Variants in NELL2 observed in about 807,000 individuals in gnomAD.
NELL2 encodes neural EGFL like 2.
NELL2 carries 41 observed loss-of-function variants against 109.6 expected under a neutral mutation model. The observed-to-expected ratio is 0.37, with a 90% CI of 0.29 to 0.49. NELL2 has a LOEUF of 0.49. Among genes scored for constraint, NELL2 ranks in the 20% least tolerant of loss-of-function variants. NELL2 has a pLI of 0.98. For synonymous variants in NELL2, 355 were observed against 344.7 expected (o/e 1.03, Z -0.33); for missense variants, 900 against 1,008.3 (o/e 0.89, Z 1.45).
At chr12:44,599,974 T>A (rs556870830) in intron 15 of NELL2, among the ~76,000 whole-genome samples, 1,642 of 147,118 alleles carry the variant, frequency 0.011, 16 homozygotes, top group Non-Finnish European at 0.019. Flanking sequence ...TTTTTTTTTT[T>A]TTTTTGAGAT....
chr12:44,566,160 A>G (rs1238239669), intron 15 of NELL2, among the ~76,000 whole-genome samples: 1 of 152,182 alleles, frequency 6.6e-6, no homozygotes, highest in Non-Finnish European at 1.5e-5. Context: ...ATTACAAAGT[A>G]ATTCAAAATT....
intron 9 of NELL2, among the ~76,000 whole-genome samples, chr12:44,750,182 CA>C (rs1239249374): frequency 6.6e-6 from 1 of 151,926 alleles, no homozygotes; most frequent in Non-Finnish European, 1.5e-5. Context: ...TTACATTCTT[CA>C]AAAATAAAGT....
At chr12:44,791,126 TATATATATAC>T (rs1942398781) in intron 3 of NELL2, among the ~76,000 whole-genome samples, 1 of 67,868 alleles carries the variant, frequency 1.5e-5, no homozygotes, top group East Asian at 3.8e-4. Context: ...TATATGTATA[TATATATATAC>T]ACACGCACAC....
intron 9 of NELL2, among the ~76,000 whole-genome samples, chr12:44,721,566 A>G (rs1938772913): frequency 6.6e-6 from 1 of 152,184 alleles, no homozygotes; most frequent in African/African-American, 2.4e-5. Context: ...CCACCAACCC[A>G]GTGAATTTGG....
intron 2 of NELL2, among the ~76,000 whole-genome samples, chr12:44,848,127 G>T (rs1291829788): frequency 6.6e-6 from 1 of 152,032 alleles, no homozygotes; most frequent in Non-Finnish European, 1.5e-5. Flanking sequence ...TAAACTTAGG[G>T]CATAGCCACA....
At chr12:44,861,673 A>AT (rs1418853563) in intron 2 of NELL2, among the ~76,000 whole-genome samples, 1 of 152,196 alleles carries the variant, frequency 6.6e-6, no homozygotes, top group Non-Finnish European at 1.5e-5. Flanking sequence ...AAGGATGCCC[A>AT]TTCCATCACC....
chr12:44,741,544 C>T (rs930490008), intron 9 of NELL2, among the ~76,000 whole-genome samples: 8 of 152,318 alleles, frequency 5.3e-5, no homozygotes, highest in African/African-American at 1.7e-4. Flanking sequence ...CAGGGAATTC[C>T]CTTTCCTAGT....
At chr12:44,846,603 C>T (rs1944377726) in intron 2 of NELL2, among the ~76,000 whole-genome samples, 1 of 152,152 alleles carries the variant, frequency 6.6e-6, no homozygotes, top group African/African-American at 2.4e-5. Flanking sequence ...ATTTTTCTTC[C>T]AAATTCTCCC....
chr12:44,662,697 T>C (rs183543004), intron 13 of NELL2, among the ~76,000 whole-genome samples: 1 of 152,356 alleles, frequency 6.6e-6, no homozygotes, highest in Admixed American at 6.5e-5. Context: ...AAGGCTTCTT[T>C]ATTGATCAAA....
At chr12:44,535,741 G>A (rs1942267111) in intron 15 of NELL2, among the ~76,000 whole-genome samples, 1 of 151,690 alleles carries the variant, frequency 6.6e-6, no homozygotes, top group South Asian at 2.1e-4. Context: ...TTTAAAATGA[G>A]AAAAATTACA....
rs577711173 is a variant in NELL2 at position 44,860,277 on chromosome 12, T to C, written c.184+14948A>G. On this transcript the variant is annotated intron_variant, in intron 2 of 19. Transcript: ENST00000429094. Reference sequence around the variant, plus strand: ...CACTCCATAAACACATTCTGTTGCATAGTTAAATGAGAACTCAAAAGAAAG... The same window carrying C: ...CACTCCATAAACACATTCTGTTGCACAGTTAAATGAGAACTCAAAAGAAAG... Among the ~76,000 whole-genome samples, 72 of 152,362 alleles carry C rather than the reference T, an allele frequency of 4.7e-4. 1 individual carries two copies. The South Asian group carries it at 0.013, about 27-fold the overall frequency.
At chr12:44,694,380 C>A (rs1249102706) in intron 12 of NELL2, among the ~76,000 whole-genome samples, 2 of 152,090 alleles carry the variant, frequency 1.3e-5, no homozygotes, top group African/African-American at 4.8e-5. Flanking sequence ...TGGACTCAGA[C>A]TGAAACTATA....
At chr12:44,509,061 T>C (rs1940857583) in intron 19 of NELL2, 77 bp from the exon 20 acceptor site, 1 of 1,211,470 alleles carries the variant, frequency 8.3e-7, no homozygotes, top group Non-Finnish European at 1.2e-6. Context: ...TATTGATTGG[T>C]ACTTACAAAC....
chr12:44,654,801 ATGTCACCAGGAGGT>A (rs1796710915), intron 13 of NELL2, among the ~76,000 whole-genome samples: 1 of 152,148 alleles, frequency 6.6e-6, no homozygotes, highest in Non-Finnish European at 1.5e-5. Context: ...AGGCGAGGCA[ATGTCACCAGGAGGT>A]TATACACCCA....
At chr12:44,863,413 G>T (rs1324731007) in intron 2 of NELL2, among the ~76,000 whole-genome samples, 1 of 151,962 alleles carries the variant, frequency 6.6e-6, no homozygotes, top group Non-Finnish European at 1.5e-5. Flanking sequence ...ACTAGTAAAA[G>T]AACCAAATCA....
At chr12:44,841,359 A>T (rs1944221494) in intron 2 of NELL2, among the ~76,000 whole-genome samples, 1 of 152,190 alleles carries the variant, frequency 6.6e-6, no homozygotes, top group Non-Finnish European at 1.5e-5. Context: ...TGGCAATCCT[A>T]TTTACATATT....
chr12:44,791,080 T>TATATATATAC (rs1227249223), intron 3 of NELL2, among the ~76,000 whole-genome samples: 1 of 30,936 alleles, frequency 3.2e-5, no homozygotes, highest in African/African-American at 8.3e-5. Flanking sequence ...TATATATATA[T>TATATATATAC]ACATATATAT....
intron 16 of NELL2, among the ~76,000 whole-genome samples, chr12:44,532,270 A>G (rs566959937): frequency 6.6e-6 from 1 of 152,262 alleles, no homozygotes; most frequent in Non-Finnish European, 1.5e-5. Flanking sequence ...TTTTTGGATC[A>G]GATGCTTGCA....
At chr12:44,581,011 A>G (rs1396594095) in intron 15 of NELL2, among the ~76,000 whole-genome samples, 12 of 152,198 alleles carry the variant, frequency 7.9e-5, no homozygotes, top group Admixed American at 7.9e-4. Flanking sequence ...GAACTTTTTT[A>G]AAAATGTAAT....
Sources: gnomAD v4.1 joint callset for allele counts (sites outside exome capture counted in the v4.1 genomes callset) on GRCh38, gnomAD v4.1.1 for gene constraint, MANE v1.5 for transcripts, NCBI Gene and HGNC (gene_info 2026-07-23, HGNC 2026-07-21) for gene names.